APBA2: variants seen among roughly 807,000 people sequenced by gnomAD.
The protein encoded by APBA2 is amyloid beta precursor protein binding family A member 2.
A neutral mutation model predicts 75.0 loss-of-function variants in APBA2; 30 were observed. The ratio of observed to expected loss-of-function variants is 0.40; its 90% CI spans 0.30 to 0.54. APBA2 has a LOEUF of 0.54. Among genes scored for constraint, APBA2 ranks in the 20% least tolerant of loss-of-function variants. APBA2 has a pLI of 0.49. For missense variants in APBA2, 801 were observed against 1,016.1 expected (o/e 0.79, Z 2.88); for synonymous variants, 444 against 409.6 (o/e 1.08, Z -1.01).
At chr15:29,104,296 T>C (rs953519612) in intron 10 of APBA2, among the ~76,000 whole-genome samples, 1 of 152,190 alleles carries the variant, frequency 6.6e-6, no homozygotes, top group African/African-American at 2.4e-5. Context: ...TAAGGAGGGC[T>C]CACACAGCCC....
At chr15:29,022,470 G>T (rs2040000020) in intron 3 of APBA2, among the ~76,000 whole-genome samples, 1 of 140,352 alleles carries the variant, frequency 7.1e-6, no homozygotes, top group African/African-American at 3.2e-5. Context: ...TAAGTCTTTA[G>T]TCCCCTTGAA....
intron 1 of APBA2, among the ~76,000 whole-genome samples, chr15:28,920,036 C>T (rs1362908633): frequency 6.6e-6 from 1 of 152,194 alleles, no homozygotes; most frequent in Non-Finnish European, 1.5e-5. Context: ...TTTAAGGCTG[C>T]TTTTGAGGGT....
rs145178836 is a variant in APBA2 at position 28,918,195 on chromosome 15, G to A, written c.-204-3445G>A. Among the ~76,000 whole-genome samples the A allele has an allele frequency of 5.1e-4, 78 of 152,338 alleles. No individual in the cohort carries two copies. The highest frequency in any genetic ancestry group is 1.8e-3 in the African/African-American group (75 of 41,586). ...GTTGCCTGCGGTCTCCGTGGGTGAGGGAAAAGGCACAGGGAGGTGCAGAAG... is the reference window on the plus strand; with the variant it reads ...GTTGCCTGCGGTCTCCGTGGGTGAGAGAAAAGGCACAGGGAGGTGCAGAAG... On this transcript the variant is annotated intron_variant, in intron 1 of 14. Coordinates refer to ENST00000683413, the MANE Select transcript of APBA2 (RefSeq NM_001353788.2). This position sits in a 1 kb window ranked among gnomAD's most constrained non-coding sequence, Gnocchi z 4.2.
intron 6 of APBA2, among the ~76,000 whole-genome samples, chr15:29,087,829 A>G (rs1488339262): frequency 6.6e-6 from 1 of 152,008 alleles, no homozygotes; most frequent in Admixed American, 6.6e-5. Context: ...CTGCCCCATT[A>G]GAGCTGCAGC....
chr15:29,003,408 T>C (rs2038952982), intron 3 of APBA2, among the ~76,000 whole-genome samples: 1 of 152,148 alleles, frequency 6.6e-6, no homozygotes, highest in South Asian at 2.1e-4. Context: ...ACCATGAGGG[T>C]TCCTTCTGTG....
chr15:28,966,264 G>A (rs2036732690), intron 2 of APBA2, among the ~76,000 whole-genome samples: 1 of 152,096 alleles, frequency 6.6e-6, no homozygotes, highest in Admixed American at 6.5e-5. Flanking sequence ...CTTCTGTCCA[G>A]TAGTTGTGTC....
Position 29,072,455 on chromosome 15 carries a change from A to G in APBA2, c.952-2466A>G, listed in dbSNP as rs113069395. ...ATCTGAGGCGAGATTCTCTTGTTGC[A>G]TCCTTTGGAAGCTTTTGCTTGGTGT... is the stretch of plus-strand genomic sequence containing the variant. On this transcript the variant is annotated intron_variant, in intron 4 of 14. Transcript: ENST00000683413. Among the ~76,000 whole-genome samples the G allele has an allele frequency of 4.1e-3, 622 of 152,294 alleles. 2 individuals carry two copies. Among genetic ancestry groups the G allele is most frequent in the Non-Finnish European group, 7.4e-3 (503 of 68,024 alleles).
At chr15:29,084,404 A>G (rs758475066) in intron 6 of APBA2, among the ~76,000 whole-genome samples, 2 of 152,222 alleles carry the variant, frequency 1.3e-5, no homozygotes, top group African/African-American at 4.8e-5. Context: ...AGCATATGAA[A>G]AAATAGCTTC....
At chr15:28,889,643 G>A (rs1238119800) in intron 1 of APBA2, among the ~76,000 whole-genome samples, 1 of 152,088 alleles carries the variant, frequency 6.6e-6, no homozygotes, top group Admixed American at 6.5e-5. Context: ...GTCCATCCTG[G>A]AGATCCCAAC....
At chr15:29,008,730 TA>T (rs2039254983) in intron 3 of APBA2, among the ~76,000 whole-genome samples, 1 of 151,694 alleles carries the variant, frequency 6.6e-6, no homozygotes, top group African/African-American at 2.4e-5. Context: ...AAAAAACAAA[TA>T]AAAAAATAAA....
At chr15:29,104,776 G>T (rs1050524313) in intron 10 of APBA2, among the ~76,000 whole-genome samples, 3 of 152,204 alleles carry the variant, frequency 2.0e-5, no homozygotes, top group Admixed American at 2.0e-4. Flanking sequence ...TTCGGCATCA[G>T]ATGAGTGGAA....
chr15:29,113,540 C>T (rs940498160), intron 13 of APBA2, among the ~76,000 whole-genome samples: 2 of 152,074 alleles, frequency 1.3e-5, no homozygotes, highest in South Asian at 4.1e-4. Flanking sequence ...CCAGGCTGTG[C>T]CGTAGGAGGC....
chr15:28,922,357 G>A (rs540264636), intron 2 of APBA2, among the ~76,000 whole-genome samples: 2 of 152,322 alleles, frequency 1.3e-5, no homozygotes, highest in Admixed American at 6.5e-5. Flanking sequence ...GCAGCAGCAG[G>A]GCAGCCCAAG....
chr15:28,997,202 C>T (rs539710349), intron 3 of APBA2, among the ~76,000 whole-genome samples: 77 of 152,230 alleles, frequency 5.1e-4, no homozygotes, highest in African/African-American at 1.8e-3. Flanking sequence ...GGTGGCTCTC[C>T]GTGGAGGGAG....
At chr15:28,929,939 G>A (rs1265721499) in intron 2 of APBA2, among the ~76,000 whole-genome samples, 1 of 96,054 alleles carries the variant, frequency 1.0e-5, no homozygotes, top group Admixed American at 1.0e-4. Flanking sequence ...GTGTAGATCT[G>A]CCACCCACCT....
At chr15:29,075,069 T>A in intron 5 of APBA2, 68 bp downstream of exon 5, 1 of 1,148,374 alleles carries the variant, frequency 8.7e-7, no homozygotes, top group Non-Finnish European at 1.3e-6. Flanking sequence ...GCCCACCGAG[T>A]TGTGGTCTGC....
At chr15:28,989,114 C>A (rs1428241327) in intron 2 of APBA2, among the ~76,000 whole-genome samples, 1 of 152,200 alleles carries the variant, frequency 6.6e-6, no homozygotes, top group East Asian at 1.9e-4. Context: ...CTGTGAATGA[C>A]TGGCCATATC....
rs562046775 is a variant in APBA2, at chr15:29,106,939, C to T, written c.1917+120C>T. ...CTTCACCCATGGGGAAACTGAGGCC[C>T]AGGGAGACCCACCCGGTGACTGGTC... On this transcript the variant is annotated intron_variant, in intron 12 of 14. Transcript: ENST00000683413. 1.4e-5 allele frequency: 13 copies of T among 906,930 alleles called. No homozygotes were observed. In the Admixed American group the frequency reaches 1.9e-4, roughly 13 times the overall value. The allele number at this position is 906,930 out of a possible 1,614,324, so 56.2% of individuals were successfully genotyped here. A position where few individuals can be genotyped will look rare whatever the true frequency, so the allele number is the denominator to read the frequency against.
At chr15:28,933,554 A>G (rs551385352) in intron 2 of APBA2, among the ~76,000 whole-genome samples, 50 of 152,240 alleles carry the variant, frequency 3.3e-4, no homozygotes, top group Non-Finnish European at 6.3e-4. Flanking sequence ...CTGCTCTTTG[A>G]AAGAGAGTGT....
Sources: gnomAD v4.1 joint callset for allele counts (sites outside exome capture counted in the v4.1 genomes callset) on GRCh38, gnomAD v4.1.1 for gene constraint, Gnocchi (gnomAD v3.1) non-coding constraint, MANE v1.5 for transcripts, NCBI Gene and HGNC (gene_info 2026-07-23, HGNC 2026-07-21) for gene names.